Variants in BRIP1 observed in about 807,000 individuals in gnomAD.
BRIP1 encodes the protein Fanconi anemia group J protein.
A neutral mutation model predicts 119.7 loss-of-function variants in BRIP1; 88 were observed. That is an observed-to-expected ratio of 0.74 (90% confidence interval 0.62 to 0.88). The LOEUF is 0.88. BRIP1 is among the 40% of genes least tolerant of loss of function. BRIP1 has a pLI of 0.00. For synonymous variants in BRIP1, 443 were observed against 496.5 expected (o/e 0.89, Z 1.43); for missense variants, 1,259 against 1,455.4 (o/e 0.87, Z 2.20).
chr17:61,783,338 T>C (rs551215274), intron 11 of BRIP1, among the ~76,000 whole-genome samples: 72 of 152,224 alleles, frequency 4.7e-4, no homozygotes, highest in African/African-American at 1.7e-3. Context: ...TTATGTGAAA[T>C]ACCTAGAAAG....
intron 6 of BRIP1, among the ~76,000 whole-genome samples, chr17:61,812,109 G>A (rs761622038): frequency 1.3e-5 from 2 of 152,052 alleles, no homozygotes; most frequent in Non-Finnish European, 2.9e-5. Context: ...AAAACTAGAG[G>A]AAGGATCCTG....
At chr17:61,766,669 A>T (rs9897928) in intron 14 of BRIP1, among the ~76,000 whole-genome samples, 119,196 of 152,030 alleles carry the variant, frequency 0.78, 47,281 homozygotes, top group African/African-American at 0.87. Flanking sequence ...TAGAGAGTGA[A>T]CAGGAATGTT....
chr17:61,768,256 TA>T lies in BRIP1; in HGVS notation c.2097+8144del, dbSNP rs1386342526. On this transcript the variant is annotated intron_variant, in intron 14 of 19. Transcript: ENST00000259008. The surrounding 1 kb of genome is among the most constrained non-coding windows in gnomAD (Gnocchi z 5.0). ...TGAGATTTCTCAGGAAGATCTTAAA[TA>T]TAATATAAGCAAGGCTCTCAATATA... Among the ~76,000 whole-genome samples the T allele has an allele frequency of 2.0e-5, 3 of 152,194 alleles. No individual in the cohort carries two copies. Among genetic ancestry groups the T allele is most frequent in the Non-Finnish European group, 4.4e-5 (3 of 68,020 alleles).
chr17:61,713,365 G>A lies in BRIP1; in HGVS notation c.2492+2586C>T, dbSNP rs530876229. On this transcript the variant is annotated intron_variant, in intron 17 of 19. Transcript: ENST00000259008. This position sits in a 1 kb window ranked among gnomAD's most constrained non-coding sequence, Gnocchi z 4.9. ...GGCAGATCCCTCAGGAAGAATTCCA[G>A]AAGAAGGCATTGTTATCACAGGAGA... is the stretch of plus-strand genomic sequence containing the variant. Among the ~76,000 whole-genome samples the A allele has an allele frequency of 6.6e-6, 1 of 151,984 alleles. No individual in the cohort carries two copies. Among genetic ancestry groups the A allele is most frequent in the South Asian group, 2.1e-4 (1 of 4,820 alleles).
rs1221672528 is a variant in BRIP1 at position 61,759,862 on chromosome 17, AG to A, written c.2098-15272del. On this transcript the variant is annotated intron_variant, in intron 14 of 19. Transcript: ENST00000259008. The surrounding 1 kb of genome is among the most constrained non-coding windows in gnomAD (Gnocchi z 4.9). The stretch of plus-strand genomic sequence containing the variant: ...TGGTGACAATAGACTTGCTTGACAC[AG>A]GGTTGCCACAAACCTTTAATTTATG... Among the ~76,000 whole-genome samples the A allele has an allele frequency of 6.6e-6, 1 of 151,234 alleles. No homozygotes were observed. Among genetic ancestry groups the A allele is most frequent in the Non-Finnish European group, 1.5e-5 (1 of 67,704 alleles).
At chr17:61,697,429 C>T (rs1387326745) in intron 17 of BRIP1, among the ~76,000 whole-genome samples, 1 of 144,358 alleles carries the variant, frequency 6.9e-6, no homozygotes, top group Admixed American at 6.9e-5. Flanking sequence ...ATGAATTTGT[C>T]CATTTAATCT....
rs587782771 is a variant in BRIP1 at position 61,801,401 on chromosome 17, A to T, written c.992T>A (p.Met331Lys). 6.2e-7 allele frequency: 1 copy of T among 1,614,024 alleles called. No individual in the cohort carries two copies. The highest frequency in any genetic ancestry group is 1.7e-5 in the Admixed American group (1 of 60,024). ...DQHTLQTFQG[M>K]CKAWDIEELV... Reference sequence around the variant, plus strand: ...TTCTTCTATATCCCAGGCTTTGCACATCCCTTGGAAAGTCTGTAATGTGTG... The same window carrying T: ...TTCTTCTATATCCCAGGCTTTGCACTTCCCTTGGAAAGTCTGTAATGTGTG... The change falls in exon 8 of 20, where the codon ATG becomes AAG. Residue 331 changes from methionine to lysine, a missense_variant. Met to Lys is a moderately conservative substitution (Grantham distance 95). Around this residue, in one of 3 missense-constraint regions of BRIP1, gnomAD observed 501 missense variants for 544.0 expected, o/e 0.92. Coordinates refer to ENST00000259008, the MANE Select transcript of BRIP1 (RefSeq NM_032043.3).
Position 61,699,534 on chromosome 17 carries a change from A to AC in BRIP1, c.2493-6023dup, listed in dbSNP as rs1320264799. 6.6e-6 allele frequency among the ~76,000 whole-genome samples: 1 copy of AC among 152,224 alleles called. No individual in the cohort carries two copies. Among genetic ancestry groups the AC allele is most frequent in the Non-Finnish European group, 1.5e-5 (1 of 68,040 alleles). On this transcript the variant is annotated intron_variant, in intron 17 of 19. Coordinates refer to ENST00000259008, the MANE Select transcript of BRIP1 (RefSeq NM_032043.3). This position sits in a 1 kb window ranked among gnomAD's most constrained non-coding sequence, Gnocchi z 4.8. ...AAATTGCCAACTTAATTTCAATAGT[A>AC]CAAAAAAATGGTCCTTCTGTTCCCT... is the stretch of plus-strand genomic sequence containing the variant.
chr17:61,833,305 G>T (rs997904914), intron 6 of BRIP1, among the ~76,000 whole-genome samples: 1 of 152,172 alleles, frequency 6.6e-6, no homozygotes, highest in Non-Finnish European at 1.5e-5. Context: ...TGATAAAGAA[G>T]ATTTGAAACT....
chr17:61,749,412 A>T (rs1432778083), intron 14 of BRIP1, among the ~76,000 whole-genome samples: 5 of 151,478 alleles, frequency 3.3e-5, no homozygotes, highest in African/African-American at 4.8e-5. Context: ...ACCCAATATT[A>T]AAAAAAAATT....
rs761278503 is a variant in BRIP1 at position 61,683,780 on chromosome 17, G to C, written c.3266C>G (p.Ser1089Cys). ...IDATLTRKNH[S>C]EHPLCSEEAL... The stretch of plus-strand genomic sequence containing the variant: ...TTCTTCAGAACAGAGCGGATGTTCA[G>C]AATGATTTTTTCTAGTAAGGGTGGC... The change falls in exon 20 of 20, where the codon TCT becomes TGT. Residue 1089 changes from serine (S) to cysteine (C), a missense_variant. Transcript: ENST00000259008. This position sits in a 1 kb window ranked among gnomAD's most constrained non-coding sequence, Gnocchi z 4.7. The C allele has an allele frequency of 2.5e-6, 4 of 1,614,184 alleles. No individual in the cohort carries two copies. The highest frequency in any genetic ancestry group is 2.5e-6 in the Non-Finnish European group (3 of 1,180,032).
In BRIP1 at chr17:61,743,978, C is replaced by T. The variant is rs974544991; in HGVS notation, c.2257+454G>A. On this transcript the variant is annotated intron_variant, in intron 15 of 19. Coordinates refer to ENST00000259008, the MANE Select transcript of BRIP1 (RefSeq NM_032043.3). The surrounding 1 kb of genome is among the most constrained non-coding windows in gnomAD (Gnocchi z 4.3). ...CTAGGATTACAGGCAAGAGCCACCA[C>T]GCCCGGCCTCACATCAAACTCTTCA... is the stretch of plus-strand genomic sequence containing the variant. Among the ~76,000 whole-genome samples the T allele has an allele frequency of 1.3e-5, 2 of 152,182 alleles. No homozygotes were observed. The highest frequency in any genetic ancestry group is 2.4e-5 in the African/African-American group (1 of 41,448).
In BRIP1 at chr17:61,703,846, T is replaced by C. The variant is rs999401750; in HGVS notation, c.2493-10334A>G. On this transcript the variant is annotated intron_variant, in intron 17 of 19. Transcript: ENST00000259008. The surrounding 1 kb of genome is among the most constrained non-coding windows in gnomAD (Gnocchi z 5.0). Reference sequence around the variant, plus strand: ...GGAAGGGGGTCCAGTTTCAATCTTCTGCTTACGGCTAGCCAGTTAGGTCCC... The same window carrying C: ...GGAAGGGGGTCCAGTTTCAATCTTCCGCTTACGGCTAGCCAGTTAGGTCCC... 2.0e-5 allele frequency among the ~76,000 whole-genome samples: 3 copies of C among 152,164 alleles called. No individual in the cohort carries two copies. The highest frequency in any genetic ancestry group is 2.9e-5 in the Non-Finnish European group (2 of 68,036).
chr17:61,791,488 CAAAAAAAAA>C (rs529710126), intron 10 of BRIP1, among the ~76,000 whole-genome samples: 3 of 52,920 alleles, frequency 5.7e-5, no homozygotes, highest in African/African-American at 8.2e-5. Context: ...GACTTCATCT[CAAAAAAAAA>C]AAAAAAAAAA....
At chr17:61,688,063 T>C (rs1209924457) in intron 18 of BRIP1, among the ~76,000 whole-genome samples, 1 of 152,210 alleles carries the variant, frequency 6.6e-6, no homozygotes, top group African/African-American at 2.4e-5. Context: ...CAGAAAAGCC[T>C]GGAGTGTGCA....
chr17:61,700,438 C>T lies in BRIP1; in HGVS notation c.2493-6926G>A. Among the ~76,000 whole-genome samples the T allele has an allele frequency of 1.3e-5, 2 of 151,998 alleles. No homozygotes were observed. Among genetic ancestry groups the T allele is most frequent in the East Asian group, 3.9e-4 (2 of 5,174 alleles). ...TATTTGGGAATGTCTTAATTTTTAC[C>T]TTATTTCTGAAGGACAGTTTTGTTA... On this transcript the variant is annotated intron_variant, in intron 17 of 19. Transcript: ENST00000259008. This position sits in a 1 kb window ranked among gnomAD's most constrained non-coding sequence, Gnocchi z 4.1.
chr17:61,804,744 C>T lies in BRIP1; in HGVS notation c.919-3270G>A, dbSNP rs2145375143. 6.6e-6 allele frequency among the ~76,000 whole-genome samples: 1 copy of T among 151,424 alleles called. No homozygotes were observed. The highest frequency in any genetic ancestry group is 1.5e-5 in the Non-Finnish European group (1 of 67,846). On this transcript the variant is annotated intron_variant, in intron 7 of 19. Coordinates refer to ENST00000259008, the MANE Select transcript of BRIP1 (RefSeq NM_032043.3). The surrounding 1 kb of genome is among the most constrained non-coding windows in gnomAD (Gnocchi z 4.5). ...ATATATATATTCAAAATATTTTTGT[C>T]TAATAATTATTAAAATTATAAAATA...
rs1284443825 is a variant in BRIP1, at chr17:61,695,127, T to G, written c.2493-1615A>C. 6.6e-6 allele frequency among the ~76,000 whole-genome samples: 1 copy of G among 152,014 alleles called. No homozygotes were observed. The highest frequency in any genetic ancestry group is 1.5e-5 in the Non-Finnish European group (1 of 67,942). On this transcript the variant is annotated intron_variant, in intron 17 of 19. Transcript: ENST00000259008. This position sits in a 1 kb window ranked among gnomAD's most constrained non-coding sequence, Gnocchi z 4.3. Reference sequence around the variant, plus strand: ...GGTCAAGAAAATTTATACCTCTGTTTTTGCCTTTTTCTGTCTTTGATCCAC... The same window carrying G: ...GGTCAAGAAAATTTATACCTCTGTTGTTGCCTTTTTCTGTCTTTGATCCAC...
rs1474341266 is a variant in BRIP1, at chr17:61,679,939, A to C, written c.*3357T>G. 6.6e-6 allele frequency among the ~76,000 whole-genome samples: 1 copy of C among 152,166 alleles called. No individual in the cohort carries two copies. Among genetic ancestry groups the C allele is most frequent in the East Asian group, 1.9e-4 (1 of 5,200 alleles). On this transcript the variant is annotated 3_prime_UTR_variant, in exon 20 of 20. Coordinates refer to ENST00000259008, the MANE Select transcript of BRIP1 (RefSeq NM_032043.3). The surrounding 1 kb of genome is among the most constrained non-coding windows in gnomAD (Gnocchi z 4.4). ...TTTCAACAGTGATTATCATTGTATA[A>C]AATTTTTGAAACACCTTTTGGAATT...
Sources: allele counts gnomAD v4.1 joint callset (sites outside exome capture counted in the v4.1 genomes callset), GRCh38; gene constraint gnomAD v4.1.1; regional missense constraint gnomAD v4.1.1; non-coding constraint Gnocchi (gnomAD v3.1); transcripts MANE v1.5; gene names NCBI Gene and HGNC (gene_info 2026-07-23, HGNC 2026-07-21).